Variants in PDCD6IP observed in about 807,000 individuals in gnomAD.
The protein encoded by PDCD6IP is programmed cell death 6-interacting protein.
A neutral mutation model predicts 103.7 loss-of-function variants in PDCD6IP; 43 were observed. That is an observed-to-expected ratio of 0.41 (90% confidence interval 0.32 to 0.53). The LOEUF (loss-of-function observed/expected upper bound fraction) is 0.53. PDCD6IP is among the 20% of genes least tolerant of loss of function. PDCD6IP has a pLI of 0.16. For synonymous variants in PDCD6IP, 354 were observed against 378.7 expected, an observed-to-expected ratio of 0.93 and a Z score of 0.76; for missense variants, 871 against 1,036.7, an observed-to-expected ratio of 0.84 and a Z score of 2.20.
At chr3:33,821,369 A>G (rs562260422) in intron 3 of PDCD6IP, among the ~76,000 whole-genome samples, 2 of 152,058 alleles carry the variant, frequency 1.3e-5, no homozygotes, top group Non-Finnish European at 2.9e-5. Context: ...ATCTTCATCA[A>G]TGCTTATTTT....
At chr3:33,826,798 A>G in intron 6 of PDCD6IP, 1 of 1,301,876 alleles carries the variant, frequency 7.7e-7, no homozygotes, top group South Asian at 1.8e-5. Context: ...CTTTTACTAA[A>G]CTTGTTTTTC....
intron 4 of PDCD6IP, among the ~76,000 whole-genome samples, chr3:33,823,244 C>T (rs1053681555): frequency 6.6e-6 from 1 of 152,044 alleles, no homozygotes; most frequent in South Asian, 2.1e-4. Flanking sequence ...TCCAAATGTC[C>T]TTCCACTGTT....
At chr3:33,827,133 G>A in intron 6 of PDCD6IP, 2 of 985,320 alleles carry the variant, frequency 2.0e-6, no homozygotes, top group South Asian at 9.4e-5. Context: ...CATATCACAG[G>A]AAGTATAATG....
chr3:33,828,826 T>C (rs748950705), intron 6 of PDCD6IP, 27 bp from the exon 7 acceptor site: 2 of 1,611,138 alleles, frequency 1.2e-6, no homozygotes, highest in East Asian at 4.5e-5. Flanking sequence ...GGTTGGACTC[T>C]CCCCTGGTCA....
chr3:33,821,421 G>C (rs1270135828), intron 3 of PDCD6IP, among the ~76,000 whole-genome samples: 1 of 151,716 alleles, frequency 6.6e-6, no homozygotes, highest in East Asian at 1.9e-4. Context: ...TGGATGTGAG[G>C]TGTGTAGATT....
chr3:33,840,930 T>G (rs1697453553), intron 9 of PDCD6IP, among the ~76,000 whole-genome samples: 2 of 152,178 alleles, frequency 1.3e-5, no homozygotes, highest in Non-Finnish European at 2.9e-5. Flanking sequence ...GGATAGAATT[T>G]TTGACTTTTA....
Position 33,822,077 on chromosome 3 carries a change from T to G in PDCD6IP, c.457T>G (p.Tyr153Asp). Reference protein sequence around the residue: ...DEGLKIAAKHYQFASGAFLHI... With the variant: ...DEGLKIAAKHDQFASGAFLHI... ...AGGATTGAAAATCGCTGCTAAACATTACCAGGTATGCTGAAAAGTAGTTAC... is the reference window on the plus strand; with the variant it reads ...AGGATTGAAAATCGCTGCTAAACATGACCAGGTATGCTGAAAAGTAGTTAC... The change falls in exon 4 of 18, where the codon TAC (tyrosine) becomes GAC (aspartate). Residue 153 changes from tyrosine (Y) to aspartate (D), a missense_variant. By Grantham distance (160) the Tyr-to-Asp change is radical. Transcript: ENST00000307296. 1.2e-6 allele frequency: 2 copies of G among 1,613,830 alleles called. No individual in the cohort carries two copies. Among genetic ancestry groups the G allele is most frequent in the South Asian group, 2.2e-5 (2 of 90,938 alleles).
At chr3:33,829,065 G>A (rs547913235) in intron 7 of PDCD6IP, 96 bp downstream of exon 7, 22 of 896,048 alleles carry the variant, frequency 2.5e-5, no homozygotes, top group African/African-American at 1.0e-4. Context: ...AACCTTTCCC[G>A]TTCATCACCC....
intron 13 of PDCD6IP, among the ~76,000 whole-genome samples, chr3:33,853,144 C>T (rs1161930221): frequency 2.0e-5 from 3 of 152,066 alleles, no homozygotes; most frequent in South Asian, 2.1e-4. Flanking sequence ...AGGATGGTCT[C>T]GATCTCCTGA....
chr3:33,801,743 G>T (rs1347806123), intron 1 of PDCD6IP, among the ~76,000 whole-genome samples: 3 of 152,158 alleles, frequency 2.0e-5, no homozygotes, highest in African/African-American at 7.2e-5. Flanking sequence ...TGATCAAATG[G>T]GAACCCTGCT....
intron 4 of PDCD6IP, among the ~76,000 whole-genome samples, chr3:33,822,454 G>A (rs1697014430): frequency 6.6e-6 from 1 of 152,064 alleles, no homozygotes; most frequent in Admixed American, 6.5e-5. Flanking sequence ...TTTTCTTAGA[G>A]TGAGACACAC....
rs764800455 is a variant in PDCD6IP at position 33,845,508 on chromosome 3, G to A, written c.1561G>A (p.Val521Met). The A allele has an allele frequency of 3.7e-6, 6 of 1,613,726 alleles. No individual in the cohort carries two copies. The highest frequency in any genetic ancestry group is 2.2e-5 in the South Asian group (2 of 91,058). ...TTACCAGTCTCATCGTGACACCATCGTGCTTTTGTGTAAGCCAGAGCCTGA... is the reference window on the plus strand; with the variant it reads ...TTACCAGTCTCATCGTGACACCATCATGCTTTTGTGTAAGCCAGAGCCTGA... Reference protein sequence around the residue: ...ECYQSHRDTIVLLCKPEPELN... With the variant: ...ECYQSHRDTIMLLCKPEPELN... The change falls in exon 12 of 18, where the codon GTG (valine) becomes ATG (methionine). Residue 521 changes from valine to methionine, a missense_variant. By Grantham distance (21) the Val-to-Met change is conservative. This residue lies in a region of PDCD6IP where 266 missense variants were observed against 390.5 expected (regional missense o/e 0.68). Coordinates refer to ENST00000307296, the MANE Select transcript of PDCD6IP (RefSeq NM_013374.6).
intron 1 of PDCD6IP, chr3:33,811,183 C>T: frequency 7.3e-6 from 2 of 273,178 alleles, no homozygotes; most frequent in Non-Finnish European, 1.5e-5. Context: ...CTGTGCCTGG[C>T]CCTTTCAGGT....
chr3:33,841,433 C>CTTTTTTTTTTTT (rs1301369045), intron 9 of PDCD6IP, among the ~76,000 whole-genome samples: 13 of 60,954 alleles, frequency 2.1e-4, no homozygotes, highest in East Asian at 1.0e-3. Flanking sequence ...CTTTGCTTTG[C>CTTTTTTTTTTTT]TTTTTTTTTT....
Position 33,868,543 on chromosome 3 carries a change from A to G in PDCD6IP, c.*2018A>G, listed in dbSNP as rs570292503. 2.0e-5 allele frequency: 3 copies of G among 152,646 alleles called. No homozygotes were observed. The highest frequency in any genetic ancestry group is 1.9e-4 in the East Asian group (1 of 5,188). The allele number at this position is 152,646 out of a possible 1,614,324, so 9.5% of individuals were successfully genotyped here. A position where few individuals can be genotyped will look rare whatever the true frequency, so the allele number is the denominator to read the frequency against. On this transcript the variant is annotated 3_prime_UTR_variant, in exon 18 of 18. Transcript: ENST00000307296. ...TTAGTGTAACCTTTTAAATGTAGCA[A>G]CACAAACCCTTTCCCTCTTGTCAGT...
At chr3:33,817,684 T>C (rs1309849656) in intron 3 of PDCD6IP, among the ~76,000 whole-genome samples, 1 of 151,652 alleles carries the variant, frequency 6.6e-6, no homozygotes. Flanking sequence ...GCCTGGGAGG[T>C]TGAGGCTGCA....
intron 7 of PDCD6IP, among the ~76,000 whole-genome samples, chr3:33,830,840 A>T (rs892652591): frequency 6.6e-6 from 1 of 152,190 alleles, no homozygotes; most frequent in Admixed American, 6.5e-5. Flanking sequence ...CAAGAAGTTG[A>T]CCAATAAACC....
intron 15 of PDCD6IP, among the ~76,000 whole-genome samples, chr3:33,857,283 C>G (rs937071645): frequency 6.6e-6 from 1 of 152,036 alleles, no homozygotes. Flanking sequence ...CGGGTTCAAG[C>G]AGTTCTTCTG....
intron 3 of PDCD6IP, among the ~76,000 whole-genome samples, chr3:33,821,198 T>G (rs1472136631): frequency 6.7e-6 from 1 of 150,330 alleles, no homozygotes; most frequent in Non-Finnish European, 1.5e-5. Flanking sequence ...TTTGTTGAGA[T>G]GGGGTCTTGC....
Sources: allele counts gnomAD v4.1 joint callset (sites outside exome capture counted in the v4.1 genomes callset), GRCh38; gene constraint gnomAD v4.1.1; regional missense constraint gnomAD v4.1.1; transcripts MANE v1.5; gene names NCBI Gene and HGNC (gene_info 2026-07-23, HGNC 2026-07-21).